The following MGAT4C variants were observed in gnomAD, a reference collection of about 807,000 sequenced individuals.
MGAT4C encodes the protein MGAT4 family member C, also known as alpha-1,3-mannosyl-glycoprotein 4-beta-N-acetylglucosaminyltransferase C.
A neutral mutation model predicts 40.1 loss-of-function variants in MGAT4C; 19 were observed. The ratio of observed to expected loss-of-function variants is 0.47; its 90% CI spans 0.33 to 0.70. MGAT4C has a LOEUF of 0.70. Ranked by LOEUF, MGAT4C falls within the 30% of genes least tolerant of loss-of-function variation. The pLI, the probability that MGAT4C is intolerant of heterozygous loss-of-function variation, is 0.02. For synonymous variants in MGAT4C, 181 were observed against 187.1 expected (o/e 0.97, Z 0.27); for missense variants, 491 against 563.2 (o/e 0.87, Z 1.30).
chr12:86,619,024 T>C (rs1962553658), intron 2 of MGAT4C, among the ~76,000 whole-genome samples: 1 of 151,902 alleles, frequency 6.6e-6, no homozygotes, highest in Admixed American at 6.6e-5. Context: ...AAATAATGCA[T>C]CTAACAACTA....
At chr12:86,457,656 G>A (rs1375125409) in intron 2 of MGAT4C, among the ~76,000 whole-genome samples, 2 of 152,046 alleles carry the variant, frequency 1.3e-5, no homozygotes, top group African/African-American at 4.8e-5. Context: ...AAAATAGCAT[G>A]TTAATTTATT....
intron 2 of MGAT4C, among the ~76,000 whole-genome samples, chr12:86,012,991 G>T (rs1888662891): frequency 6.6e-6 from 1 of 151,970 alleles, no homozygotes; most frequent in African/African-American, 2.4e-5. Context: ...ATTAGCCACG[G>T]TGGCACATGC....
intron 4 of MGAT4C, among the ~76,000 whole-genome samples, chr12:86,316,812 C>T (rs190987737): frequency 2.0e-5 from 3 of 152,226 alleles, no homozygotes; most frequent in African/African-American, 7.2e-5. Flanking sequence ...ACCTCAACAT[C>T]ACACAATATA....
intron 1 of MGAT4C, among the ~76,000 whole-genome samples, chr12:86,784,749 T>C (rs192777430): frequency 6.6e-6 from 1 of 151,818 alleles, no homozygotes; most frequent in Admixed American, 6.6e-5. Context: ...ACACAGAGCC[T>C]AGCTAATCTT....
chr12:86,501,767 C>T (rs1225127344), intron 2 of MGAT4C, among the ~76,000 whole-genome samples: 1 of 151,866 alleles, frequency 6.6e-6, no homozygotes, highest in Non-Finnish European at 1.5e-5. Context: ...GGGTTGATTC[C>T]ATGTCTTTGC....
At chr12:86,526,282 G>T (rs1958881302) in intron 2 of MGAT4C, among the ~76,000 whole-genome samples, 1 of 152,092 alleles carries the variant, frequency 6.6e-6, no homozygotes, top group Admixed American at 6.5e-5. Flanking sequence ...GCCATTGGTT[G>T]GTAGGGGGAG....
chr12:86,606,094 G>C (rs898471021), intron 2 of MGAT4C, among the ~76,000 whole-genome samples: 1 of 151,832 alleles, frequency 6.6e-6, no homozygotes, highest in Non-Finnish European at 1.5e-5. Flanking sequence ...AAAACCATTA[G>C]ATCTCGTGAA....
rs954457825 is a variant in MGAT4C at position 85,957,366 on chromosome 12, T to A, written c.*21923A>T. On this transcript the variant is annotated 3_prime_UTR_variant, in exon 5 of 5. Transcript: ENST00000611864. ...ATCCCAGAAATTAATTATATTTGGG[T>A]CTCATTGAAGGGCATGGGCCAGAGA... 1 of 152,150 alleles carries A rather than the reference T, an allele frequency of 6.6e-6. No individual in the cohort carries two copies. Among genetic ancestry groups the A allele is most frequent in the African/African-American group, 2.4e-5 (1 of 41,456 alleles). 9.4% of individuals were successfully genotyped at this position (152,150 alleles called of 1,614,324 possible).
chr12:86,268,391 G>T (rs1388725872), intron 4 of MGAT4C, among the ~76,000 whole-genome samples: 1 of 151,808 alleles, frequency 6.6e-6, no homozygotes, highest in Non-Finnish European at 1.5e-5. Flanking sequence ...TACTTACTAT[G>T]TCAAAATTTT....
At chr12:86,013,590 T>C (rs1463749676) in intron 2 of MGAT4C, 1 of 266,442 alleles carries the variant, frequency 3.8e-6, no homozygotes, top group Non-Finnish European at 5.8e-6. Context: ...TACATATAAA[T>C]AAACAATTAT....
At chr12:86,516,333 T>G (rs2136353956) in intron 2 of MGAT4C, among the ~76,000 whole-genome samples, 1 of 152,264 alleles carries the variant, frequency 6.6e-6, no homozygotes, top group South Asian at 2.1e-4. Context: ...CATGCCAAGA[T>G]AATTCAGCGG....
Position 86,286,356 on chromosome 12 carries a change from T to C in MGAT4C, c.-57+47709A>G, listed in dbSNP as rs140345142. Among the ~76,000 whole-genome samples, 321 of 152,310 alleles carry C rather than the reference T, an allele frequency of 2.1e-3. 1 individual carries two copies. Among genetic ancestry groups the C allele is most frequent in the African/African-American group, 7.3e-3 (305 of 41,582 alleles). On this transcript the variant is annotated intron_variant, in intron 4 of 7. Transcript: ENST00000548651. ...GCAGTAAGTGGCCATGCACTATGTC[T>C]ACATTAAGCTTTCCATCAAAATGTG...
At position 86,408,473 on chromosome 12, in the gene MGAT4C, C is replaced by CTATA. The variant is rs1210910694; in HGVS notation, c.-120+26683_-120+26684insTATA. Among the ~76,000 whole-genome samples the CTATA allele has an allele frequency of 2.1e-4, 23 of 108,116 alleles. No individual in the cohort carries two copies. The East Asian group carries it at 2.4e-3, about 11-fold the overall frequency. 70.9% of individuals were successfully genotyped at this position (108,116 alleles called of 152,430 possible). On this transcript the variant is annotated intron_variant, in intron 3 of 7. Coordinates refer to the MGAT4C transcript ENST00000548651. The stretch of plus-strand genomic sequence containing the variant: ...ACTCTCTCTCTCTCTCTCTCTCTCT[C>CTATA]TCTCTCTATATATATATATATATAT...
In MGAT4C at chr12:86,503,945, A is replaced by G. The variant is rs112645225; in HGVS notation, c.-228-68680T>C. 3.3e-3 allele frequency among the ~76,000 whole-genome samples: 503 copies of G among 151,072 alleles called. 1 individual carries two copies. Among genetic ancestry groups the G allele is most frequent in the African/African-American group, 0.012 (486 of 41,310 alleles). On this transcript the variant is annotated intron_variant, in intron 2 of 7. Coordinates refer to the MGAT4C transcript ENST00000548651. The stretch of plus-strand genomic sequence containing the variant: ...TATATTCAACAAACAACTTACGTTT[A>G]AAACCTTCCTACAAAATAAGAAAAA...
intron 4 of MGAT4C, among the ~76,000 whole-genome samples, chr12:86,332,243 C>A (rs1954685710): frequency 6.6e-6 from 1 of 152,130 alleles, no homozygotes. Flanking sequence ...AAAGATTTTA[C>A]TGATTGCTTT....
intron 3 of MGAT4C, among the ~76,000 whole-genome samples, chr12:86,414,972 T>G (rs1956678784): frequency 6.6e-6 from 1 of 152,088 alleles, no homozygotes; most frequent in Admixed American, 6.6e-5. Flanking sequence ...AATAAGCATC[T>G]ATAACAATGA....
At chr12:86,182,553 T>C (rs1888245086) in intron 1 of MGAT4C, among the ~76,000 whole-genome samples, 1 of 152,088 alleles carries the variant, frequency 6.6e-6, no homozygotes, top group Non-Finnish European at 1.5e-5. Context: ...CTACTTGCTT[T>C]CCTCTCTCTT....
At chr12:86,769,870 T>TGG (rs1340453626) in intron 1 of MGAT4C, among the ~76,000 whole-genome samples, 2 of 151,620 alleles carry the variant, frequency 1.3e-5, no homozygotes, top group African/African-American at 4.8e-5. Context: ...TGTTGTGGTG[T>TGG]GGAGTGGGGG....
chr12:86,058,434 CTAG>C (rs1471653506), intron 1 of MGAT4C, among the ~76,000 whole-genome samples: 3 of 152,012 alleles, frequency 2.0e-5, no homozygotes, highest in Non-Finnish European at 2.9e-5. Flanking sequence ...AAATGTTTCC[CTAG>C]TAGTTTATAT....
Sources: allele counts gnomAD v4.1 joint callset (sites outside exome capture counted in the v4.1 genomes callset), GRCh38; gene constraint gnomAD v4.1.1; transcripts MANE v1.5; gene names NCBI Gene and HGNC (gene_info 2026-07-23, HGNC 2026-07-21).